NUMB: variants seen among roughly 807,000 people sequenced by gnomAD.
NUMB encodes NUMB endocytic adaptor protein, also known as protein numb homolog.
Under a neutral mutation model 59.7 loss-of-function variants are expected in NUMB, and 29 were observed. The observed-to-expected ratio is 0.49, with a 90% CI of 0.36 to 0.66. NUMB has a LOEUF of 0.66. NUMB is among the 30% of genes least tolerant of loss of function. NUMB has a pLI of 0.00. For missense variants in NUMB, 723 were observed against 822.0 expected, an observed-to-expected ratio of 0.88 and a Z score of 1.47; for synonymous variants, 288 against 288.2, an observed-to-expected ratio of 1.00 and a Z score of 0.01.
intron 9 of NUMB, chr14:73,284,981 G>A (rs1372089175): frequency 6.6e-6 from 1 of 152,188 alleles, no homozygotes; most frequent in Non-Finnish European, 1.5e-5. Context: ...CCAAGTAGCT[G>A]GGATTACAGG....
intron 1 of NUMB, among the ~76,000 whole-genome samples, chr14:73,443,644 T>G (rs1218149622): frequency 1.3e-5 from 2 of 151,216 alleles, no homozygotes; most frequent in African/African-American, 4.9e-5. Context: ...GATTGATCGA[T>G]TGATGATTGA....
At chr14:73,339,505 CAA>C (rs1416282386) in intron 4 of NUMB, among the ~76,000 whole-genome samples, 1 of 152,152 alleles carries the variant, frequency 6.6e-6, no homozygotes, top group Non-Finnish European at 1.5e-5. Context: ...TGTATTTGCT[CAA>C]AAGTTACTTT....
In NUMB at chr14:73,277,086, T is replaced by G. The variant is rs191544673; in HGVS notation, c.1448A>C (p.Gln483Pro). The change falls in exon 13 of 13, where the codon CAA becomes CCA. Residue 483 changes from glutamine (Q) to proline (P), a missense_variant. Around this residue, in one of 2 missense-constraint regions of NUMB, gnomAD observed 406 missense variants for 385.4 expected, o/e 1.05. Coordinates refer to ENST00000555238, the MANE Select transcript of NUMB (RefSeq NM_001005743.2). The stretch of plus-strand genomic sequence containing the variant: ...CTGAGAGGTGAGGAATGCATTCCCT[T>G]GGAAAGGTGATGCTGGCTGGGAGAT... ...TAISQPASPF[Q>P]GNAFLTSQPV... The G allele has an allele frequency of 7.4e-6, 12 of 1,614,008 alleles. No individual in the cohort carries two copies. In the African/African-American group the frequency reaches 1.2e-4, roughly 16 times the overall value.
intron 6 of NUMB, among the ~76,000 whole-genome samples, chr14:73,311,841 A>G (rs1890791485): frequency 6.6e-6 from 1 of 152,208 alleles, no homozygotes; most frequent in South Asian, 2.1e-4. Flanking sequence ...CAATTGACCT[A>G]GCAAACTCAA....
intron 9 of NUMB, among the ~76,000 whole-genome samples, chr14:73,285,863 C>T (rs147112495): frequency 6.0e-4 from 91 of 150,880 alleles, no homozygotes; most frequent in African/African-American, 2.1e-3. Context: ...GAGGTGAAGG[C>T]GGCAGTCAGC....
chr14:73,339,201 T>C (rs553084113), intron 4 of NUMB, among the ~76,000 whole-genome samples: 2 of 152,356 alleles, frequency 1.3e-5, no homozygotes, highest in Non-Finnish European at 2.9e-5. Context: ...TTATACTATG[T>C]ATGCATTTCA....
chr14:73,347,490 C>T (rs1293816713), intron 4 of NUMB, among the ~76,000 whole-genome samples: 5 of 152,154 alleles, frequency 3.3e-5, no homozygotes, highest in Admixed American at 3.3e-4. Flanking sequence ...TTCAGACAAG[C>T]TTGAATTAGA....
Position 73,451,164 on chromosome 14 carries a change from A to AC in NUMB, c.-233+7328_-233+7329insG, listed in dbSNP as rs1441413784. 1.4e-5 allele frequency among the ~76,000 whole-genome samples: 2 copies of AC among 146,698 alleles called. 1 individual carries two copies. The highest frequency in any genetic ancestry group is 5.0e-5 in the African/African-American group (2 of 39,750). On this transcript the variant is annotated intron_variant, in intron 1 of 12. Coordinates refer to ENST00000555238, the MANE Select transcript of NUMB (RefSeq NM_001005743.2). ...GCAGGACTCTGTCTCAAAAAAAAAA[A>AC]AAAAAAAAAACAAAAAACAAATCTA...
intron 8 of NUMB, among the ~76,000 whole-genome samples, chr14:73,288,751 C>T (rs367662132): frequency 2.0e-5 from 3 of 149,722 alleles, no homozygotes; most frequent in African/African-American, 4.9e-5. Context: ...CCCAGCTACT[C>T]GGGAGGCTGA....
chr14:73,384,818 T>A (rs983507425), intron 2 of NUMB, among the ~76,000 whole-genome samples: 1 of 151,626 alleles, frequency 6.6e-6, no homozygotes, highest in African/African-American at 2.4e-5. Context: ...GCTCAAGTGA[T>A]CCTCCTGCCT....
At chr14:73,320,746 T>C (rs901518531) in intron 5 of NUMB, among the ~76,000 whole-genome samples, 4 of 152,152 alleles carry the variant, frequency 2.6e-5, no homozygotes, top group Non-Finnish European at 5.9e-5. Context: ...CACTGTTCCA[T>C]GCATAGGTAT....
chr14:73,353,072 G>GTTTTTCTTTTTTTT (rs71450219), intron 4 of NUMB, among the ~76,000 whole-genome samples: 1,430 of 58,494 alleles, frequency 0.024, 396 homozygotes, highest in East Asian at 0.18. Context: ...AGTTTTTCTT[G>GTTTTTCTTTTTTTT]TTTTTTTTTT....
At chr14:73,321,302 TATC>T (rs1891390010) in intron 5 of NUMB, among the ~76,000 whole-genome samples, 1 of 152,244 alleles carries the variant, frequency 6.6e-6, no homozygotes, top group Non-Finnish European at 1.5e-5. Context: ...GTTTCAGGGC[TATC>T]TAGTCTGTTC....
At chr14:73,452,348 G>A (rs924528859) in intron 1 of NUMB, among the ~76,000 whole-genome samples, 2 of 152,020 alleles carry the variant, frequency 1.3e-5, no homozygotes. Context: ...CAACGAGAAC[G>A]AAACTCTGTC....
intron 3 of NUMB, among the ~76,000 whole-genome samples, chr14:73,362,823 G>C (rs1188114485): frequency 6.6e-6 from 1 of 151,904 alleles, no homozygotes; most frequent in Non-Finnish European, 1.5e-5. Flanking sequence ...ATTAAAACTT[G>C]TTATCAAAAA....
At chr14:73,406,091 TG>T (rs1396882402) in intron 2 of NUMB, among the ~76,000 whole-genome samples, 9 of 61,266 alleles carry the variant, frequency 1.5e-4, no homozygotes, top group African/African-American at 5.9e-4. Context: ...AACATATTTT[TG>T]TTTTTTTTTT....
At chr14:73,445,275 G>A (rs977132451) in intron 1 of NUMB, among the ~76,000 whole-genome samples, 1 of 144,592 alleles carries the variant, frequency 6.9e-6, no homozygotes, top group Non-Finnish European at 1.5e-5. Flanking sequence ...GACTGCCTGA[G>A]TCCCAGGAGT....
At chr14:73,389,098 TAAAAAAAAA>T (rs71112747) in intron 2 of NUMB, among the ~76,000 whole-genome samples, 1 of 95,756 alleles carries the variant, frequency 1.0e-5, no homozygotes, top group Non-Finnish European at 2.0e-5. Flanking sequence ...GACTCTGCCT[TAAAAAAAAA>T]AAAAAAAAAA....
chr14:73,422,139 G>A (rs10132830), intron 1 of NUMB, among the ~76,000 whole-genome samples: 38,901 of 105,232 alleles, frequency 0.37, 5,831 homozygotes, highest in East Asian at 0.7. Flanking sequence ...GCGAGACTTC[G>A]TCAAAAAAAA....
Sources: allele counts gnomAD v4.1 joint callset (sites outside exome capture counted in the v4.1 genomes callset), GRCh38; gene constraint gnomAD v4.1.1; regional missense constraint gnomAD v4.1.1; transcripts MANE v1.5; gene names NCBI Gene and HGNC (gene_info 2026-07-23, HGNC 2026-07-21).